HMBOX1: variants seen among roughly 807,000 people sequenced by gnomAD.
HMBOX1 encodes homeobox containing 1.
A neutral mutation model predicts 54.5 loss-of-function variants in HMBOX1; 14 were observed. That is an observed-to-expected ratio of 0.26 (90% CI 0.17 to 0.40). The LOEUF (loss-of-function observed/expected upper bound fraction) is 0.40. HMBOX1 is among the 10% of genes least tolerant of loss of function. The probability of loss-of-function intolerance (pLI) is 1.00; values close to 1 mark genes in which losing one functional copy is unlikely to be tolerated. For missense variants in HMBOX1, 332 were observed against 514.4 expected (o/e 0.65, Z 3.43); for synonymous variants, 160 against 181.0 (o/e 0.88, Z 0.93).
At chr8:28,940,243 G>A (rs1293947572) in intron 1 of HMBOX1, among the ~76,000 whole-genome samples, 1 of 152,158 alleles carries the variant, frequency 6.6e-6, no homozygotes, top group Non-Finnish European at 1.5e-5. Context: ...TCAACCTCAG[G>A]TGATCCGCCT....
At chr8:28,891,771 G>C (rs1563333107) in intron 1 of HMBOX1, 1 of 152,284 alleles carries the variant, frequency 6.6e-6, no homozygotes, top group Non-Finnish European at 1.5e-5. Context: ...TGGTGGAATG[G>C]AACAGTGAAG....
intron 4 of HMBOX1, among the ~76,000 whole-genome samples, chr8:29,002,592 C>G (rs1832820100): frequency 6.6e-6 from 1 of 152,062 alleles, no homozygotes; most frequent in African/African-American, 2.4e-5. Flanking sequence ...AAAAATCCAT[C>G]CCAATGATAC....
At chr8:29,049,243 T>C (rs1468038842) in intron 9 of HMBOX1, 195 bp downstream of exon 9, 2 of 1,520,816 alleles carry the variant, frequency 1.3e-6, no homozygotes. Flanking sequence ...CTGTTGAATT[T>C]GTGAGAGATC....
chr8:29,002,820 A>G (rs1165229369), intron 4 of HMBOX1, among the ~76,000 whole-genome samples: 2 of 152,136 alleles, frequency 1.3e-5, no homozygotes, highest in Non-Finnish European at 1.5e-5. Flanking sequence ...CTGTGTGTAT[A>G]TATGCTTGGA....
At chr8:28,965,393 GGTTCACA>G (rs1361511582) in intron 2 of HMBOX1, among the ~76,000 whole-genome samples, 1 of 152,118 alleles carries the variant, frequency 6.6e-6, no homozygotes, top group African/African-American at 2.4e-5. Flanking sequence ...TTTTTTCTTG[GGTTCACA>G]GTACTTAAAG....
chr8:28,918,403 C>T (rs1294293306), intron 1 of HMBOX1, among the ~76,000 whole-genome samples: 1 of 151,616 alleles, frequency 6.6e-6, no homozygotes, highest in South Asian at 2.1e-4. Context: ...TGGGGTTCCA[C>T]CGTGTTAGCC....
At chr8:28,964,557 A>T (rs900966415) in intron 2 of HMBOX1, among the ~76,000 whole-genome samples, 3 of 152,234 alleles carry the variant, frequency 2.0e-5, no homozygotes, top group African/African-American at 7.2e-5. Context: ...CATTAAGTGC[A>T]TCTTTAGAGT....
At chr8:28,965,801 T>A (rs1826333363) in intron 2 of HMBOX1, among the ~76,000 whole-genome samples, 1 of 152,202 alleles carries the variant, frequency 6.6e-6, no homozygotes, top group Non-Finnish European at 1.5e-5. Flanking sequence ...ATATGTATTT[T>A]GAAGTCCAGT....
rs185519367 is a variant in HMBOX1 at position 28,922,161 on chromosome 8, A to G, written c.-58+31483A>G. On this transcript the variant is annotated intron_variant, in intron 1 of 9. Coordinates refer to ENST00000287701, the MANE Select transcript of HMBOX1 (RefSeq NM_001135726.3). Reference sequence around the variant, plus strand: ...TAAAGGTTGTGTCTGTCCTGAACAAATACAGACTTTTTCCTTATTATTCCC... The same window carrying G: ...TAAAGGTTGTGTCTGTCCTGAACAAGTACAGACTTTTTCCTTATTATTCCC... 6.8e-4 allele frequency among the ~76,000 whole-genome samples: 104 copies of G among 152,378 alleles called. No homozygotes were observed. The Middle Eastern group carries it at 0.017, about 25-fold the overall frequency.
intron 1 of HMBOX1, among the ~76,000 whole-genome samples, chr8:28,907,945 A>G (rs1481708047): frequency 6.6e-6 from 1 of 151,866 alleles, no homozygotes; most frequent in East Asian, 1.9e-4. Flanking sequence ...CATCAGCTCA[A>G]GCCATCCTCC....
chr8:28,996,674 C>CTTT (rs1313981748), intron 4 of HMBOX1, among the ~76,000 whole-genome samples: 2 of 152,134 alleles, frequency 1.3e-5, no homozygotes, highest in Non-Finnish European at 2.9e-5. Context: ...GCTAAGAAAA[C>CTTT]GCCTATTCCC....
intron 5 of HMBOX1, among the ~76,000 whole-genome samples, chr8:29,017,485 AAGT>A (rs1237050484): frequency 1.3e-5 from 2 of 152,220 alleles, no homozygotes; most frequent in African/African-American, 2.4e-5. Context: ...CGTGTTCTAA[AAGT>A]AGTAGCAGTG....
chr8:29,003,502 A>G (rs867098213), intron 4 of HMBOX1, among the ~76,000 whole-genome samples: 148 of 137,584 alleles, frequency 1.1e-3, no homozygotes, highest in East Asian at 4.2e-3. Context: ...GTGTGTATAT[A>G]TATATATATA....
intron 3 of HMBOX1, among the ~76,000 whole-genome samples, chr8:28,978,502 G>A (rs1430996971): frequency 6.6e-6 from 1 of 152,186 alleles, no homozygotes; most frequent in Admixed American, 6.5e-5. Flanking sequence ...AGAGACGTAG[G>A]CTGGGCGCTA....
rs142645997 is a variant in HMBOX1, at chr8:28,991,535, C to T, written c.586+11379C>T. ...TTTTGAACATGTCGATTTTAAAGTA[C>T]GAGGCCAATATGATATTGCCCCAAG... On this transcript the variant is annotated intron_variant, in intron 4 of 9. Transcript: ENST00000287701. Among the ~76,000 whole-genome samples the T allele has an allele frequency of 3.6e-3, 543 of 152,250 alleles. 4 individuals are homozygous for T. Among genetic ancestry groups the T allele is most frequent in the African/African-American group, 0.012 (480 of 41,548 alleles).
Position 28,975,937 on chromosome 8 carries a change from TAAAG to T in HMBOX1, c.501-4131_501-4128del, listed in dbSNP as rs1489537184. Among the ~76,000 whole-genome samples, 5 of 152,140 alleles carry T rather than the reference TAAAG, an allele frequency of 3.3e-5. No homozygotes were observed. The East Asian group carries it at 7.7e-4, about 23-fold the overall frequency. ...GAGGACAATAGGAGTAGCAGGTCCT[TAAAG>T]AAGGCTGAATGAGGAGAGAATGAGG... On this transcript the variant is annotated intron_variant, in intron 3 of 9. Coordinates refer to ENST00000287701, the MANE Select transcript of HMBOX1 (RefSeq NM_001135726.3).
chr8:29,021,948 A>T (rs1801251812), intron 6 of HMBOX1, among the ~76,000 whole-genome samples: 1 of 151,990 alleles, frequency 6.6e-6, no homozygotes, highest in Admixed American at 6.6e-5. Flanking sequence ...CACTTATTAC[A>T]TTGACAAAAA....
intron 4 of HMBOX1, among the ~76,000 whole-genome samples, chr8:28,992,104 T>C (rs771376555): frequency 6.6e-6 from 1 of 152,228 alleles, no homozygotes; most frequent in Non-Finnish European, 1.5e-5. Context: ...AGAGAAAATA[T>C]GGTGCCATGG....
At chr8:28,975,530 A>G (rs1828222054) in intron 3 of HMBOX1, among the ~76,000 whole-genome samples, 1 of 152,204 alleles carries the variant, frequency 6.6e-6, no homozygotes, top group Non-Finnish European at 1.5e-5. Flanking sequence ...GTGGGAAGGA[A>G]GAATTTCATC....
Sources: gnomAD v4.1 joint callset for allele counts (sites outside exome capture counted in the v4.1 genomes callset) on GRCh38, gnomAD v4.1.1 for gene constraint, MANE v1.5 for transcripts, NCBI Gene and HGNC (gene_info 2026-07-23, HGNC 2026-07-21) for gene names.